DRC11: variants seen among roughly 807,000 people sequenced by gnomAD.
DRC11 encodes IQ and AAA domain-containing protein 1.
chr2:236,403,430 G>A, the DRC11 span, among the ~76,000 whole-genome samples: 53 of 151,996 alleles, frequency 3.5e-4, no homozygotes, highest in South Asian at 0.011. Context: ...GCTTGGAGTT[G>A]GCTTATGAGC....
chr2:236,357,647 T>TATAATAG, the DRC11 span, among the ~76,000 whole-genome samples: 1 of 126,202 alleles, frequency 7.9e-6, no homozygotes, highest in African/African-American at 3.2e-5. Context: ...TATGTAAATA[T>TATAATAG]ATAAATTATA....
At chr2:236,489,457 A>G in the DRC11 span, among the ~76,000 whole-genome samples, 2,452 of 111,772 alleles carry the variant, frequency 0.022, 72 homozygotes, top group African/African-American at 0.074. Context: ...GCTGGGGCCT[A>G]TGTGGGCTCC....
At chr2:236,493,757 G>C in the DRC11 span, 4 of 1,574,790 alleles carry the variant, frequency 2.5e-6, no homozygotes, top group Non-Finnish European at 2.6e-6. Context: ...TTGTTAAAAT[G>C]ATATACAAAC....
chr2:236,330,077 G>T, the DRC11 span, among the ~76,000 whole-genome samples: 1 of 152,158 alleles, frequency 6.6e-6, no homozygotes, highest in African/African-American at 2.4e-5. The surrounding 1 kb of genome is among the most constrained non-coding windows in gnomAD (Gnocchi z 5.5). Flanking sequence ...TTTCAGAAAA[G>T]AATATGATGT....
chr2:236,367,962 A>C, the DRC11 span: 1,593 of 547,358 alleles, frequency 2.9e-3, 19 homozygotes, highest in African/African-American at 0.028. The surrounding 1 kb of genome is among the most constrained non-coding windows in gnomAD (Gnocchi z 4.8). Flanking sequence ...TATGTCCTTC[A>C]GCCCAGCACT....
At chr2:236,363,967 A>G in the DRC11 span, 1 of 1,613,600 alleles carries the variant, frequency 6.2e-7, no homozygotes, top group Non-Finnish European at 8.5e-7. The surrounding 1 kb of genome is among the most constrained non-coding windows in gnomAD (Gnocchi z 5.6). Flanking sequence ...TTTCTCATGC[A>G]CTGCTGCAGA....
the DRC11 span, among the ~76,000 whole-genome samples, chr2:236,458,040 ATTATTG>A: frequency 6.6e-6 from 1 of 152,310 alleles, no homozygotes; most frequent in Non-Finnish European, 1.5e-5. Context: ...TATTATTATT[ATTATTG>A]TTGAATACAC....
the DRC11 span, among the ~76,000 whole-genome samples, chr2:236,439,535 T>C: frequency 7.9e-5 from 12 of 152,204 alleles, no homozygotes; most frequent in Non-Finnish European, 1.8e-4. Context: ...CAAGTCTTCT[T>C]TCATTTTCTT....
the DRC11 span, among the ~76,000 whole-genome samples, chr2:236,463,510 AATTGT>A: frequency 6.6e-6 from 1 of 152,346 alleles, no homozygotes; most frequent in Non-Finnish European, 1.5e-5. This position sits in a 1 kb window ranked among gnomAD's most constrained non-coding sequence, Gnocchi z 5.0. Context: ...TCACTTTTAA[AATTGT>A]ATTGTAGGAA....
At chr2:236,326,081 T>C in the DRC11 span, among the ~76,000 whole-genome samples, 1 of 152,244 alleles carries the variant, frequency 6.6e-6, no homozygotes, top group Admixed American at 6.5e-5. Flanking sequence ...GTAGGTAATC[T>C]GGTAGGTTTT....
At chr2:236,414,247 C>A in the DRC11 span, among the ~76,000 whole-genome samples, 1 of 152,106 alleles carries the variant, frequency 6.6e-6, no homozygotes, top group Non-Finnish European at 1.5e-5. Context: ...CCAATTTATA[C>A]ATTTTCCCTT....
the DRC11 span, among the ~76,000 whole-genome samples, chr2:236,459,595 G>A: frequency 2.6e-4 from 28 of 108,836 alleles, no homozygotes; most frequent in African/African-American, 6.7e-4. Flanking sequence ...ATACGTATAC[G>A]TATACATATA....
At chr2:236,334,188 T>C in the DRC11 span, among the ~76,000 whole-genome samples, 4 of 152,336 alleles carry the variant, frequency 2.6e-5, no homozygotes, top group South Asian at 8.3e-4. The surrounding 1 kb of genome is among the most constrained non-coding windows in gnomAD (Gnocchi z 7.8). Flanking sequence ...TTCCTGCAGC[T>C]GATGAACTCG....
At chr2:236,321,758 A>G in the DRC11 span, among the ~76,000 whole-genome samples, 1 of 152,154 alleles carries the variant, frequency 6.6e-6, no homozygotes, top group Non-Finnish European at 1.5e-5. Flanking sequence ...TTCTAGCCTC[A>G]TGCATTTCAA....
chr2:236,379,921 G>A, the DRC11 span, among the ~76,000 whole-genome samples: 1 of 152,262 alleles, frequency 6.6e-6, no homozygotes, highest in Admixed American at 6.5e-5. Flanking sequence ...CAACAGTGGA[G>A]CGACAGGTGT....
the DRC11 span, among the ~76,000 whole-genome samples, chr2:236,491,059 T>TATATATATATACAC: frequency 0.011 from 1,463 of 138,176 alleles, 37 homozygotes; most frequent in African/African-American, 0.038. Flanking sequence ...TATATATATA[T>TATATATATATACAC]ACACACAGTA....
the DRC11 span, chr2:236,408,892 G>T: frequency 1.5e-6 from 1 of 658,128 alleles, no homozygotes. This position sits in a 1 kb window ranked among gnomAD's most constrained non-coding sequence, Gnocchi z 5.5. Context: ...TTGGATCCTA[G>T]CCTGTTGACT....
chr2:236,339,073 A>G, the DRC11 span, among the ~76,000 whole-genome samples: 1 of 152,116 alleles, frequency 6.6e-6, no homozygotes, highest in African/African-American at 2.4e-5. Context: ...GGGGAAGGAG[A>G]AGCACACCAG....
chr2:236,309,710 G>A, the DRC11 span, among the ~76,000 whole-genome samples: 2 of 152,228 alleles, frequency 1.3e-5, no homozygotes, highest in Non-Finnish European at 2.9e-5. This position sits in a 1 kb window ranked among gnomAD's most constrained non-coding sequence, Gnocchi z 5.7. Flanking sequence ...ACCTGGAATT[G>A]ATGGAGAGCA....
Sources: gnomAD v4.1 joint callset for allele counts (sites outside exome capture counted in the v4.1 genomes callset) on GRCh38, gnomAD v4.1.1 for gene constraint, Gnocchi (gnomAD v3.1) non-coding constraint, MANE v1.5 for transcripts, NCBI Gene and HGNC (gene_info 2026-07-23, HGNC 2026-07-21) for gene names.